The following GPR137 variants were observed in gnomAD, a reference collection of about 807,000 sequenced individuals.
The protein encoded by GPR137 is G protein-coupled receptor 137, also known as integral membrane protein GPR137.
Under a neutral mutation model 38.9 loss-of-function variants are expected in GPR137, and 20 were observed. The ratio of observed to expected loss-of-function variants is 0.51; its 90% CI spans 0.36 to 0.75. GPR137 has a LOEUF of 0.75. GPR137 is among the 30% of genes least tolerant of loss of function. The pLI is 0.00. For missense variants in GPR137, 456 were observed against 526.4 expected, an observed-to-expected ratio of 0.87 and a Z score of 1.31; for synonymous variants, 226 against 235.8, an observed-to-expected ratio of 0.96 and a Z score of 0.38.
rs572909313 is a variant in GPR137 at position 64,286,489 on chromosome 11, T to A, written c.-36T>A. 2 of 1,585,258 alleles carry A rather than the reference T, an allele frequency of 1.3e-6. No homozygotes were observed. The highest frequency in any genetic ancestry group is 3.4e-5 in the Admixed American group (2 of 57,982). ...CCCTGGTCCCGCCGACAGTCCCTCC[T>A]TGTCTGTCTCCGGGATTCAGGCCTC... On this transcript the variant is annotated 5_prime_UTR_variant, in exon 1 of 7. It adds an upstream start codon to the 5' untranslated region. Transcript: ENST00000438980.
intron 2 of GPR137, 174 bp downstream of exon 2, chr11:64,287,188 G>C (rs1420650276): frequency 6.1e-6 from 6 of 985,216 alleles, no homozygotes; most frequent in South Asian, 4.7e-5. Flanking sequence ...AGGCCTTGCA[G>C]ATCTGCAAGG....
chr11:64,285,690 C>T, upstream of GPR137: 1 of 985,218 alleles, frequency 1.0e-6, no homozygotes, highest in Non-Finnish European at 1.2e-6. Flanking sequence ...CGCCCTCCTG[C>T]CGCCTCCCGT....
chr11:64,289,317 G>T lies in GPR137; in HGVS notation c.*121G>T. The T allele has an allele frequency of 6.2e-7, 1 of 1,610,986 alleles. No individual in the cohort carries two copies. Among genetic ancestry groups the T allele is most frequent in the Non-Finnish European group, 8.5e-7 (1 of 1,178,604 alleles). On this transcript the variant is annotated 3_prime_UTR_variant, in exon 7 of 7. Coordinates refer to ENST00000438980, the MANE Select transcript of GPR137 (RefSeq NM_001170880.2). ...GGGGTCGTGGCTACCCCCTCCTCTGGCCGGCTCCTTGCTGCTCCTGTCATA... is the reference window on the plus strand; with the variant it reads ...GGGGTCGTGGCTACCCCCTCCTCTGTCCGGCTCCTTGCTGCTCCTGTCATA...
intron 2 of GPR137, chr11:64,287,400 A>G (rs2034214975): frequency 1.4e-5 from 12 of 838,314 alleles, no homozygotes; most frequent in Non-Finnish European, 1.4e-5. Flanking sequence ...TATTTGTACA[A>G]TTTCCCTGAG....
At chr11:64,285,619 C>A (rs1031192948), upstream of GPR137, 6 of 984,916 alleles carry the variant, frequency 6.1e-6, no homozygotes, top group South Asian at 1.9e-4. Context: ...TAAAGGCGGG[C>A]GGCACGGGGC....
upstream of GPR137, chr11:64,284,195 G>A: frequency 6.3e-7 from 1 of 1,599,222 alleles, no homozygotes; most frequent in South Asian, 1.1e-5. Context: ...CATGATGGCT[G>A]CTGCTGGTTG....
chr11:64,271,996 T>A (rs1279080177), upstream of GPR137: 1 of 416,762 alleles, frequency 2.4e-6, no homozygotes, highest in African/African-American at 2.0e-5. Flanking sequence ...TGGTGAAGAT[T>A]TAGGTTAACT....
At chr11:64,285,296 C>T (rs2033825130), upstream of GPR137, 1 of 985,866 alleles carries the variant, frequency 1.0e-6, no homozygotes, top group Non-Finnish European at 1.2e-6. Context: ...GGATGGCTGC[C>T]CGGGCGCGGG....
chr11:64,284,602 C>T (rs2033729568), upstream of GPR137: 6 of 1,500,984 alleles, frequency 4.0e-6, no homozygotes, highest in Non-Finnish European at 5.3e-6. Flanking sequence ...GGCCCCGCCC[C>T]GCCCGTGGTG....
rs374003163 is a variant in GPR137, at chr11:64,288,500, G to A, written c.912+32G>A. On this transcript the variant is annotated intron_variant, in intron 5 of 6. Transcript: ENST00000438980. This position sits in a 1 kb window ranked among gnomAD's most constrained non-coding sequence, Gnocchi z 5.5. ...GTCTGCTCCCTCTTCTGTGGGGCCAGTGGAGGGGGCGGATGTTGCAAATCC... is the reference window on the plus strand; with the variant it reads ...GTCTGCTCCCTCTTCTGTGGGGCCAATGGAGGGGGCGGATGTTGCAAATCC... 5.6e-6 allele frequency: 9 copies of A among 1,612,966 alleles called. No homozygotes were observed. Among genetic ancestry groups the A allele is most frequent in the Non-Finnish European group, 7.6e-6 (9 of 1,179,946 alleles).
chr11:64,287,908 A>C lies in GPR137; in HGVS notation c.595A>C (p.Arg199=), dbSNP rs765986024. ...TGCTGCCTGCCTCTGCCTCGTCGCC[A>C]GGCGGGCGCCCTCCACTAGCATCTA... The part of the protein sequence containing the change: ...SLAACLCLVA[R]RAPSTSIYLE... The change falls in exon 3 of 7, where the codon AGG becomes CGG. Residue 199 remains arginine (R), a synonymous_variant. Transcript: ENST00000438980. The C allele has an allele frequency of 7.2e-5, 115 of 1,602,052 alleles. No homozygotes were observed. The highest frequency in any genetic ancestry group is 9.1e-5 in the Non-Finnish European group (107 of 1,179,920).
chr11:64,284,152 C>T, upstream of GPR137: 1 of 1,541,526 alleles, frequency 6.5e-7, no homozygotes, highest in Non-Finnish European at 8.7e-7. Context: ...GGTGAGGTGT[C>T]CCGGCAGGTG....
chr11:64,279,493 G>A (rs999313898), upstream of GPR137, among the ~76,000 whole-genome samples: 5 of 152,218 alleles, frequency 3.3e-5, no homozygotes, highest in Admixed American at 2.0e-4. Flanking sequence ...GCGGCCAGAC[G>A]CGGTGGCTCA....
chr11:64,274,424 C>T (rs545327448), upstream of GPR137, among the ~76,000 whole-genome samples: 9 of 151,708 alleles, frequency 5.9e-5, no homozygotes, highest in South Asian at 1.5e-3. Flanking sequence ...CAGTGGCTCA[C>T]GCCAGTAATC....
chr11:64,271,721 G>A (rs2032629141), upstream of GPR137: 3 of 1,461,350 alleles, frequency 2.1e-6, no homozygotes, highest in African/African-American at 1.5e-5. Context: ...GAAAGGGGCT[G>A]GGCTCCTCCC....
chr11:64,282,096 T>C (rs1374592775), upstream of GPR137, among the ~76,000 whole-genome samples: 2 of 152,164 alleles, frequency 1.3e-5, no homozygotes, highest in East Asian at 1.9e-4. Context: ...TGTTTGCTCA[T>C]GGCCCCACCA....
chr11:64,270,974 T>C (rs1285249332), upstream of GPR137, among the ~76,000 whole-genome samples: 2 of 40,724 alleles, frequency 4.9e-5, no homozygotes, highest in Admixed American at 3.5e-4. Context: ...GCATGCCCTG[T>C]GACACACACA....
At chr11:64,271,563 G>A (rs771769781), upstream of GPR137, 7 of 1,364,488 alleles carry the variant, frequency 5.1e-6, no homozygotes, top group South Asian at 3.4e-5. Flanking sequence ...CAGACCGGCG[G>A]GGGGCGGCCT....
chr11:64,283,783 A>G (rs2033644188), upstream of GPR137, among the ~76,000 whole-genome samples: 1 of 151,968 alleles, frequency 6.6e-6, no homozygotes, highest in Admixed American at 6.6e-5. Context: ...CTAACCCCAC[A>G]CTAATAGCTG....
Sources: allele counts gnomAD v4.1 joint callset (sites outside exome capture counted in the v4.1 genomes callset), GRCh38; gene constraint gnomAD v4.1.1; non-coding constraint Gnocchi (gnomAD v3.1); transcripts MANE v1.5; gene names NCBI Gene and HGNC (gene_info 2026-07-23, HGNC 2026-07-21).